The following FAT3 variants were observed in gnomAD, a reference collection of about 807,000 sequenced individuals.
FAT3 encodes protocadherin Fat 3.
Under a neutral mutation model 310.2 loss-of-function variants are expected in FAT3, and 95 were observed. The ratio of observed to expected loss-of-function variants is 0.31; its 90% CI spans 0.26 to 0.36. FAT3 has a LOEUF of 0.36. Ranked by LOEUF, FAT3 falls within the 10% of genes least tolerant of loss-of-function variation. FAT3 has a pLI of 1.00. For synonymous variants in FAT3, 2,314 were observed against 2,192.9 expected (o/e 1.06, Z -1.54); for missense variants, 5,408 against 5,715.6 (o/e 0.95, Z 1.74).
rs142896945 is a variant in FAT3, at chr11:92,891,098, T to C, written c.13755T>C (p.His4585=). 1,435 of 1,613,640 alleles carry C rather than the reference T, an allele frequency of 8.9e-4. 15 individuals are homozygous for C. The African/African-American group carries it at 0.016, about 18-fold the overall frequency. The part of the protein sequence containing the change: ...SLHIPFVETQ[H]QTQV ...ACATTCCCTTTGTGGAGACTCAGCA[T>C]CAGACTCAAGTGTAGACATCACATC... is the stretch of plus-strand genomic sequence containing the variant. Residue 4585 remains histidine (H), a synonymous_variant, in exon 28 of 28, where the codon CAT becomes CAC. Transcript: ENST00000525166.
At position 92,801,908 on chromosome 11, in the gene FAT3, A is replaced by G. The variant is rs757139264; in HGVS notation, c.8895A>G (p.Thr2965=). 7.4e-6 allele frequency: 12 copies of G among 1,611,452 alleles called. No homozygotes were observed. Among genetic ancestry groups the G allele is most frequent in the Non-Finnish European group, 8.5e-6 (10 of 1,178,198 alleles). The change falls in exon 10 of 28, where the codon ACA becomes ACG. Residue 2965 remains threonine (T), a splice_region_variant and synonymous_variant. Transcript: ENST00000525166. ...DVNRQVSYHI[T]GGNPRGRFAL... ...ATCGCCAAGTGAGCTACCATATTAC[A>G]GGTGAGTAAATACCCCCAGTTTTCA...
At chr11:92,456,011 G>T (rs935957378) in intron 2 of FAT3, among the ~76,000 whole-genome samples, 6 of 152,130 alleles carry the variant, frequency 3.9e-5, no homozygotes, top group Non-Finnish European at 7.4e-5. Context: ...GTCTGTTGTG[G>T]CTTGGGTTGT....
At chr11:92,387,453 C>G (rs1949651357) in intron 2 of FAT3, among the ~76,000 whole-genome samples, 1 of 151,974 alleles carries the variant, frequency 6.6e-6, no homozygotes, top group Non-Finnish European at 1.5e-5. Flanking sequence ...GGGCCAGGAA[C>G]ACTAGTTGTT....
chr11:92,297,984 G>A (rs1424883072), intron 1 of FAT3, among the ~76,000 whole-genome samples: 6 of 152,124 alleles, frequency 3.9e-5, no homozygotes, highest in Non-Finnish European at 1.5e-5. Flanking sequence ...GGCCTGTCTG[G>A]TGGTAAGCTC....
rs556173754 is a variant in FAT3 at position 92,763,146 on chromosome 11, A to C, written c.3984+976A>C. Among the ~76,000 whole-genome samples the C allele has an allele frequency of 1.1e-4, 17 of 151,642 alleles. No individual in the cohort carries two copies. In the East Asian group the frequency reaches 3.1e-3, roughly 28 times the overall value. On this transcript the variant is annotated intron_variant, in intron 5 of 27. Transcript: ENST00000525166. The stretch of plus-strand genomic sequence containing the variant: ...TGCACTCCAGCCCGGGTGACAGAGC[A>C]AGACTCTGTCTCAAAAAAAAAAAAG...
chr11:92,737,926 A>G (rs1945400210), intron 4 of FAT3, among the ~76,000 whole-genome samples: 1 of 152,128 alleles, frequency 6.6e-6, no homozygotes, highest in South Asian at 2.1e-4. Context: ...TGCTTCAAAA[A>G]AGATACCAGA....
chr11:92,707,782 C>T (rs1183533927), intron 4 of FAT3, among the ~76,000 whole-genome samples: 2 of 152,166 alleles, frequency 1.3e-5, no homozygotes, highest in Non-Finnish European at 2.9e-5. Flanking sequence ...CTAATTTTAT[C>T]GAGGCCTTCA....
intron 13 of FAT3, among the ~76,000 whole-genome samples, chr11:92,831,284 T>C (rs912575454): frequency 6.6e-6 from 1 of 152,178 alleles, no homozygotes; most frequent in Admixed American, 6.5e-5. Flanking sequence ...TGGTTTTGGT[T>C]GGTTTCTATT....
At chr11:92,335,192 A>G (rs1345313879) in intron 1 of FAT3, among the ~76,000 whole-genome samples, 1 of 149,516 alleles carries the variant, frequency 6.7e-6, no homozygotes, top group Non-Finnish European at 1.5e-5. Flanking sequence ...TACATGAGAA[A>G]CCTAAACACT....
chr11:92,518,517 G>T (rs550260742), intron 2 of FAT3, among the ~76,000 whole-genome samples: 24 of 152,150 alleles, frequency 1.6e-4, no homozygotes, highest in African/African-American at 5.1e-4. Context: ...GTCAAGGAGT[G>T]GGGGGCTAGG....
chr11:92,836,467 G>A, intron 15 of FAT3, 99 bp from the exon 16 acceptor site: 1 of 1,377,862 alleles, frequency 7.3e-7, no homozygotes, highest in Non-Finnish European at 9.7e-7. Context: ...CGAGAAAACT[G>A]TCACAGCTGC....
At chr11:92,631,324 AT>A (rs1445482870) in intron 3 of FAT3, among the ~76,000 whole-genome samples, 1 of 151,950 alleles carries the variant, frequency 6.6e-6, no homozygotes, top group Admixed American at 6.6e-5. Flanking sequence ...TGAGTCTCTG[AT>A]TTGTCTTTTG....
At chr11:92,547,838 C>A (rs750714147) in intron 3 of FAT3, among the ~76,000 whole-genome samples, 7 of 152,148 alleles carry the variant, frequency 4.6e-5, no homozygotes, top group Non-Finnish European at 8.8e-5. Flanking sequence ...CAGATAATTT[C>A]AGAATTCCTG....
At chr11:92,298,879 G>A (rs1399082409) in intron 1 of FAT3, among the ~76,000 whole-genome samples, 1 of 152,088 alleles carries the variant, frequency 6.6e-6, no homozygotes, top group African/African-American at 2.4e-5. Flanking sequence ...TGAAGGAATG[G>A]TTCTTTTTTT....
chr11:92,313,641 C>T (rs927881086), intron 1 of FAT3, among the ~76,000 whole-genome samples: 3 of 152,156 alleles, frequency 2.0e-5, no homozygotes, highest in African/African-American at 7.2e-5. Flanking sequence ...CTCACTGCAA[C>T]CTCCGCCTCC....
In FAT3 at chr11:92,889,173, T is replaced by A. The variant is rs1400852719; in HGVS notation, c.13052-16T>A. On this transcript the variant is annotated splice_polypyrimidine_tract_variant and intron_variant, in intron 25 of 27. Transcript: ENST00000525166. ...CTGTCCTTCCCCTACCTCCGACTTC[T>A]TTTCCTGACCACAAGCCTCCATAGT... 2 of 709,422 alleles carry A rather than the reference T, an allele frequency of 2.8e-6. No homozygotes were observed. Among genetic ancestry groups the A allele is most frequent in the Non-Finnish European group, 5.2e-6 (2 of 381,732 alleles). 43.9% of individuals were successfully genotyped at this position (709,422 alleles called of 1,614,324 possible).
intron 3 of FAT3, among the ~76,000 whole-genome samples, chr11:92,622,878 A>C (rs966830207): frequency 1.3e-5 from 2 of 152,156 alleles, no homozygotes; most frequent in Non-Finnish European, 2.9e-5. Context: ...AAGGAGCCTC[A>C]TGTCTACCTA....
chr11:92,544,309 G>A (rs957295662), intron 3 of FAT3, among the ~76,000 whole-genome samples: 1 of 152,060 alleles, frequency 6.6e-6, no homozygotes, highest in African/African-American at 2.4e-5. Flanking sequence ...TAGATTGTAG[G>A]GTAACTATAG....
chr11:92,556,807 T>C (rs903193488), intron 3 of FAT3, among the ~76,000 whole-genome samples: 1 of 152,106 alleles, frequency 6.6e-6, no homozygotes, highest in African/African-American at 2.4e-5. Flanking sequence ...CCATTACATA[T>C]TATTCCTCGA....
Sources: allele counts gnomAD v4.1 joint callset (sites outside exome capture counted in the v4.1 genomes callset), GRCh38; gene constraint gnomAD v4.1.1; transcripts MANE v1.5; gene names NCBI Gene and HGNC (gene_info 2026-07-23, HGNC 2026-07-21).